CACNA1S: variants seen among roughly 807,000 people sequenced by gnomAD.
CACNA1S encodes calcium voltage-gated channel subunit alpha1 S.
A neutral mutation model predicts 207.4 loss-of-function variants in CACNA1S; 126 were observed. The observed-to-expected ratio is 0.61, with a 90% CI of 0.53 to 0.70. CACNA1S has a LOEUF of 0.70. Among genes scored for constraint, CACNA1S ranks in the 30% least tolerant of loss-of-function variants. CACNA1S has a pLI of 0.00. For synonymous variants in CACNA1S, 960 were observed against 932.7 expected, an observed-to-expected ratio of 1.03 and a Z score of -0.53; for missense variants, 2,349 against 2,422.8, an observed-to-expected ratio of 0.97 and a Z score of 0.64.
chr1:201,065,646 A>G (rs1445768615), intron 22 of CACNA1S, among the ~76,000 whole-genome samples, 192 bp downstream of exon 22: 1 of 152,240 alleles, frequency 6.6e-6, no homozygotes, highest in Non-Finnish European at 1.5e-5. Flanking sequence ...AAATGTAACG[A>G]TGTCTTACTG....
At position 201,058,413 on chromosome 1, in the gene CACNA1S, T is replaced by C; in HGVS notation, c.3604A>G (p.Ile1202Val). 6.2e-7 allele frequency: 1 copy of C among 1,613,830 alleles called. No individual in the cohort carries two copies. The highest frequency in any genetic ancestry group is 8.5e-7 in the Non-Finnish European group (1 of 1,179,716). Residue 1202 changes from isoleucine (I) to valine (V), a missense_variant, in exon 28 of 44, where the codon ATC (isoleucine) becomes GTC (valine). Ile to Val is a conservative substitution (Grantham distance 29). Transcript: ENST00000362061. ...GSIIDVILSE[I>V]DTFLASSGGL... ...TCTGCCTGCCTGATACTCACGTCGATCTCACTGAGGATGACATCAATGATG... is the reference window on the plus strand; with the variant it reads ...TCTGCCTGCCTGATACTCACGTCGACCTCACTGAGGATGACATCAATGATG...
rs375189627 is a variant in CACNA1S, at chr1:201,052,604, C to A, written c.3906G>T (p.Arg1302=). Residue 1302 remains arginine, a synonymous_variant, in exon 32 of 44, where the codon CGG becomes CGT. Transcript: ENST00000362061. ...IALVDGTQIN[R]NNNFQTFPQA... ...GTGGGAAGGTCTGGAAGTTGTTGTT[C>A]CGGTTTATTTGGGTCCCATCCACCA... is the stretch of plus-strand genomic sequence containing the variant. 2.1e-5 allele frequency: 34 copies of A among 1,613,858 alleles called. No homozygotes were observed. The highest frequency in any genetic ancestry group is 2.7e-5 in the Non-Finnish European group (32 of 1,179,986).
intron 2 of CACNA1S, among the ~76,000 whole-genome samples, chr1:201,099,022 G>C (rs1662543190): frequency 6.6e-6 from 1 of 152,114 alleles, no homozygotes; most frequent in Non-Finnish European, 1.5e-5. Context: ...GTTGAAAAAA[G>C]CAGGGCTGGG....
chr1:201,043,840 G>A lies in CACNA1S; in HGVS notation c.4798-309C>T, dbSNP rs55837027. Among the ~76,000 whole-genome samples, 3,287 of 152,078 alleles carry A rather than the reference G, an allele frequency of 0.022. 139 individuals carry two copies. Among genetic ancestry groups the A allele is most frequent in the East Asian group, 0.17 (861 of 5,170 alleles). ...TCTGCAGCACTGGGTTCTAGTCCCC[G>A]CTCTGAAACTGATTTACTAGGTGAT... On this transcript the variant is annotated intron_variant, in intron 39 of 43. Transcript: ENST00000362061.
chr1:201,089,401 G>C lies in CACNA1S; in HGVS notation c.757C>G (p.Arg253Gly). Residue 253 changes from arginine (R) to glycine (G), a missense_variant, in exon 6 of 44, where the codon CGG becomes GGG. By Grantham distance (125) the Arg-to-Gly change is moderately radical (BLOSUM62 -2). Transcript: ENST00000362061. ...SPCARTGSGR[R>G]CTINGSECRG... ...CACTCACTGCCATTGATGGTGCACC[G>C]GCGCCCTGAGCCCGTCCTGGCGCAG... is the stretch of plus-strand genomic sequence containing the variant. The C allele has an allele frequency of 6.2e-7, 1 of 1,614,166 alleles. No individual in the cohort carries two copies. Among genetic ancestry groups the C allele is most frequent in the Non-Finnish European group, 8.5e-7 (1 of 1,180,030 alleles).
At chr1:201,085,064 T>TC (rs1258441826) in intron 8 of CACNA1S, 33 bp from the exon 9 acceptor site, 1 of 1,530,310 alleles carries the variant, frequency 6.5e-7, no homozygotes, top group Non-Finnish European at 9.0e-7. Context: ...CAGCCAGCCT[T>TC]CGGGGCCCCT....
intron 7 of CACNA1S, among the ~76,000 whole-genome samples, chr1:201,085,937 A>G (rs1405797811): frequency 6.6e-6 from 1 of 152,206 alleles, no homozygotes; most frequent in Non-Finnish European, 1.5e-5. Flanking sequence ...GGAGCCTCAA[A>G]TTGGCCATAC....
intron 9 of CACNA1S, 125 bp from the exon 10 acceptor site, chr1:201,083,447 G>C (rs990292973): frequency 3.2e-6 from 3 of 930,964 alleles, no homozygotes; most frequent in Non-Finnish European, 5.3e-6. Flanking sequence ...AGCCACATGA[G>C]AGAAGCTCAG....
intron 34 of CACNA1S, 95 bp downstream of exon 34, chr1:201,050,294 A>T: frequency 7.6e-7 from 1 of 1,318,312 alleles, no homozygotes; most frequent in Non-Finnish European, 1.1e-6. Flanking sequence ...GGAGAAGCCC[A>T]CTCATACTGA....
intron 25 of CACNA1S, 37 bp from the exon 26 acceptor site, chr1:201,060,853 G>T (rs751923613): frequency 1.2e-6 from 2 of 1,613,326 alleles, no homozygotes; most frequent in Admixed American, 3.3e-5. Flanking sequence ...AGCACCAAGA[G>T]GCCCCTCCCT....
intron 28 of CACNA1S, among the ~76,000 whole-genome samples, chr1:201,057,689 C>A (rs1365682716): frequency 6.6e-6 from 1 of 152,144 alleles, no homozygotes; most frequent in East Asian, 1.9e-4. Flanking sequence ...GGGCTCAGCG[C>A]GGTGGCTCAC....
intron 3 of CACNA1S, among the ~76,000 whole-genome samples, chr1:201,092,320 T>C (rs1662265418): frequency 1.3e-5 from 2 of 152,320 alleles, no homozygotes; most frequent in South Asian, 4.1e-4. Context: ...ATCAAGTTCA[T>C]ACTCAGTGAA....
Position 201,049,070 on chromosome 1 carries a change from G to T in CACNA1S, c.4271C>A (p.Thr1424Asn). 1 of 1,613,516 alleles carries T rather than the reference G, an allele frequency of 6.2e-7. No homozygotes were observed. Among genetic ancestry groups the T allele is most frequent in the African/African-American group, 1.3e-5 (1 of 75,038 alleles). The change falls in exon 35 of 44, where the codon ACC becomes AAC. Residue 1424 changes from threonine (T) to asparagine (N), a missense_variant. By Grantham distance (65) the Thr-to-Asn change is moderately conservative (BLOSUM62 0). Transcript: ENST00000362061. Reference sequence around the variant, plus strand: ...AGGGGGCTGAATCCTTCTCAGCAGGGTCACCACGTCCAGGTGTTTGATTCT... The same window carrying T: ...AGGGGGCTGAATCCTTCTCAGCAGGTTCACCACGTCCAGGTGTTTGATTCT... Reference protein sequence around the residue: ...KGRIKHLDVVTLLRRIQPPLG... With the variant: ...KGRIKHLDVVNLLRRIQPPLG...
chr1:201,042,665 T>C (rs1052915221), intron 40 of CACNA1S, among the ~76,000 whole-genome samples: 6 of 152,246 alleles, frequency 3.9e-5, no homozygotes, highest in Non-Finnish European at 2.9e-5. Context: ...GGCTGGCTGC[T>C]GCCTTGTTCT....
intron 10 of CACNA1S, among the ~76,000 whole-genome samples, chr1:201,079,609 C>G (rs1391250897): frequency 1.3e-5 from 2 of 149,144 alleles, no homozygotes; most frequent in African/African-American, 5.0e-5. Flanking sequence ...GCTTTGACCG[C>G]TCTGGGACCC....
rs1365145775 is a variant in CACNA1S, at chr1:201,077,003, C to T, written c.1744G>A (p.Gly582Arg). 2 of 1,614,242 alleles carry T rather than the reference C, an allele frequency of 1.2e-6. No homozygotes were observed. The highest frequency in any genetic ancestry group is 1.7e-6 in the Non-Finnish European group (2 of 1,180,050). The stretch of plus-strand genomic sequence containing the variant: ...GTGTCTTCAAAGTCATACCTCCCCC[C>T]AAAGAGCTGCATGCCCAGGAGGGCG... The part of the protein sequence containing the change: ...IFALLGMQLF[G>R]GRYDFEDTEV... Residue 582 changes from glycine (G) to arginine (R), a missense_variant, in exon 12 of 44, where the codon GGG becomes AGG. Gly to Arg is a moderately radical substitution (Grantham distance 125). Coordinates refer to ENST00000362061, the MANE Select transcript of CACNA1S (RefSeq NM_000069.3).
At chr1:201,042,284 G>A (rs796402123) in intron 40 of CACNA1S, among the ~76,000 whole-genome samples, 13 of 152,194 alleles carry the variant, frequency 8.5e-5, no homozygotes, top group South Asian at 4.1e-4. Context: ...TCAGGCATGC[G>A]CCACCACACC....
Position 201,112,111 on chromosome 1 carries a change from GT to G in CACNA1S, c.152+76del, listed in dbSNP as rs1663137510. On this transcript the variant is annotated intron_variant, in intron 1 of 43. Coordinates refer to ENST00000362061, the MANE Select transcript of CACNA1S (RefSeq NM_000069.3). ...GGCCTCCCTGGCCCTCCTGTAGGAA[GT>G]TTGTGCTCTGTGATCACCCCGAATC... 6.8e-6 allele frequency: 10 copies of G among 1,468,502 alleles called. No homozygotes were observed. The East Asian group carries it at 2.3e-4, about 34-fold the overall frequency. The allele number at this position is 1,468,502 out of a possible 1,614,324, so 91.0% of individuals were successfully genotyped here. A position where few individuals can be genotyped will look rare whatever the true frequency, so the allele number is the denominator to read the frequency against.
chr1:201,088,340 C>T (rs1169693948), intron 6 of CACNA1S, among the ~76,000 whole-genome samples: 1 of 152,208 alleles, frequency 6.6e-6, no homozygotes, highest in African/African-American at 2.4e-5. Context: ...TATTCCCAAC[C>T]ATCTAATGGC....
Sources: gnomAD v4.1 joint callset for allele counts (sites outside exome capture counted in the v4.1 genomes callset) on GRCh38, gnomAD v4.1.1 for gene constraint, MANE v1.5 for transcripts, NCBI Gene and HGNC (gene_info 2026-07-23, HGNC 2026-07-21) for gene names.